The following SFMBT2 variants were observed in gnomAD, a reference collection of about 807,000 sequenced individuals.
The protein encoded by SFMBT2 is scm-like with four MBT domains protein 2.
Under a neutral mutation model 110.1 loss-of-function variants are expected in SFMBT2, and 38 were observed. The observed-to-expected ratio is 0.35, with a 90% CI of 0.27 to 0.45. SFMBT2 has a LOEUF of 0.45. Ranked by LOEUF, SFMBT2 falls within the 20% of genes least tolerant of loss-of-function variation. The pLI, the probability that SFMBT2 is intolerant of heterozygous loss-of-function variation, is 1.00. For synonymous variants in SFMBT2, 425 were observed against 425.4 expected (o/e 1.00, Z 0.01); for missense variants, 1,011 against 1,094.9 (o/e 0.92, Z 1.08).
At chr10:7,341,203 CA>C (rs1330453042) in intron 4 of SFMBT2, among the ~76,000 whole-genome samples, 1 of 152,200 alleles carries the variant, frequency 6.6e-6, no homozygotes, top group Non-Finnish European at 1.5e-5. Flanking sequence ...AAGCTCGTAT[CA>C]GGGGCAGAGC....
intron 9 of SFMBT2, among the ~76,000 whole-genome samples, chr10:7,237,558 T>A (rs1242742059): frequency 6.6e-6 from 1 of 152,156 alleles, no homozygotes; most frequent in Non-Finnish European, 1.5e-5. Flanking sequence ...GGTGCTCACC[T>A]TGCGGAGGAT....
rs1840326008 is a variant in SFMBT2, at chr10:7,238,401, G to A, written c.1120+5157C>T. Among the ~76,000 whole-genome samples the A allele has an allele frequency of 2.0e-5, 3 of 152,128 alleles. No individual in the cohort carries two copies. The South Asian group carries it at 6.2e-4, about 32-fold the overall frequency. On this transcript the variant is annotated intron_variant, in intron 9 of 20. Coordinates refer to ENST00000397167, the MANE Select transcript of SFMBT2 (RefSeq NM_001387889.1). ...TTGTTGAAAAACACGAATCAAACAA[G>A]GCAGAATGTTAGCATCTGTTGAAGT...
chr10:7,329,568 G>A (rs868532599), intron 4 of SFMBT2: 1 of 940,026 alleles, frequency 1.1e-6, no homozygotes. Flanking sequence ...TAGCGCCCAG[G>A]GGCCAAAACA....
intron 4 of SFMBT2, among the ~76,000 whole-genome samples, chr10:7,288,525 A>G (rs933342395): frequency 4.6e-5 from 7 of 152,264 alleles, no homozygotes; most frequent in African/African-American, 1.7e-4. Context: ...AGATGTAGTC[A>G]TCATTCTTCA....
chr10:7,247,397 A>G (rs2248834), intron 8 of SFMBT2, among the ~76,000 whole-genome samples: 2,483 of 152,294 alleles, frequency 0.016, 72 homozygotes, highest in African/African-American at 0.056. Context: ...GATTACAGGC[A>G]TGAGTCACTG....
In SFMBT2 at chr10:7,170,858, A is replaced by G; in HGVS notation, c.2544+70T>C. 1.3e-6 allele frequency: 2 copies of G among 1,596,262 alleles called. No individual in the cohort carries two copies. The highest frequency in any genetic ancestry group is 1.3e-5 in the African/African-American group (1 of 74,726). ...CGCAGGTGTCACGAGGAAGCCGGCT[A>G]GGACACGAGGTTCATTTCAGATGCA... On this transcript the variant is annotated intron_variant, in intron 20 of 20. Coordinates refer to ENST00000397167, the MANE Select transcript of SFMBT2 (RefSeq NM_001387889.1). This position sits in a 1 kb window ranked among gnomAD's most constrained non-coding sequence, Gnocchi z 4.6.
chr10:7,373,022 C>T (rs558509984), intron 2 of SFMBT2, among the ~76,000 whole-genome samples: 2 of 152,306 alleles, frequency 1.3e-5, no homozygotes, highest in East Asian at 3.9e-4. Flanking sequence ...ATTTGAATGT[C>T]GTCTGTCCCC....
At chr10:7,200,602 T>C (rs1036622043) in intron 13 of SFMBT2, 118 bp from the exon 14 acceptor site, 10 of 743,852 alleles carry the variant, frequency 1.3e-5, no homozygotes, top group Non-Finnish European at 1.8e-5. Flanking sequence ...AAGAGGACCA[T>C]AGAATAGAAT....
At chr10:7,237,543 A>G (rs1840295053) in intron 9 of SFMBT2, among the ~76,000 whole-genome samples, 1 of 152,176 alleles carries the variant, frequency 6.6e-6, no homozygotes, top group African/African-American at 2.4e-5. Flanking sequence ...TGTAATCTTT[A>G]GGAGGGTGCT....
chr10:7,271,372 T>G (rs549550677), intron 7 of SFMBT2, among the ~76,000 whole-genome samples: 14 of 152,128 alleles, frequency 9.2e-5, no homozygotes, highest in African/African-American at 3.4e-4. Context: ...GACAGGTATT[T>G]AATGAGTGCT....
intron 1 of SFMBT2, among the ~76,000 whole-genome samples, chr10:7,404,688 T>C (rs1460834668): frequency 6.6e-6 from 1 of 152,234 alleles, no homozygotes; most frequent in African/African-American, 2.4e-5. Flanking sequence ...AAGACATCTA[T>C]CTCATCACAT....
chr10:7,370,363 C>T lies in SFMBT2; in HGVS notation c.113G>A (p.Ser38Asn), dbSNP rs1845028225. 6.2e-7 allele frequency: 1 copy of T among 1,614,066 alleles called. No individual in the cohort carries two copies. The highest frequency in any genetic ancestry group is 8.5e-7 in the Non-Finnish European group (1 of 1,179,936). ...NGDLDSEEGS[S>N]LEETGFNWGE... ...CCAGTTAAAGCCAGTTTCCTCCAAG[C>T]TTGAGCCTTCTTCTGTTGAAAAACA... The change falls in exon 3 of 21, where the codon AGC becomes AAC. Residue 38 changes from serine to asparagine, a missense_variant. Ser to Asn is a conservative substitution (Grantham distance 46). Coordinates refer to ENST00000397167, the MANE Select transcript of SFMBT2 (RefSeq NM_001387889.1).
chr10:7,198,229 T>A (rs1288587249), intron 14 of SFMBT2: 5 of 795,924 alleles, frequency 6.3e-6, no homozygotes, highest in African/African-American at 3.8e-5. Context: ...TAAATGCGGA[T>A]CTAGAAAGTT....
chr10:7,347,981 C>T (rs1328969580), intron 4 of SFMBT2, among the ~76,000 whole-genome samples: 1 of 152,138 alleles, frequency 6.6e-6, no homozygotes, highest in Non-Finnish European at 1.5e-5. Context: ...TAACAAATTG[C>T]ACATTAGATG....
intron 11 of SFMBT2, chr10:7,206,543 T>C (rs774043770): frequency 6.3e-5 from 62 of 985,468 alleles, no homozygotes; most frequent in Non-Finnish European, 7.5e-5. Flanking sequence ...ACTCAGTTTG[T>C]GGCCTGTAGA....
At position 7,316,754 on chromosome 10, in the gene SFMBT2, A is replaced by T. The variant is rs145673773; in HGVS notation, c.437-30800T>A. Among the ~76,000 whole-genome samples, 1,021 of 152,240 alleles carry T rather than the reference A, an allele frequency of 6.7e-3. 6 individuals carry two copies. The highest frequency in any genetic ancestry group is 0.022 in the African/African-American group (930 of 41,528). ...CCAAGATGGTCTAGCATGCCTGCTC[A>T]CTTCGAGGATTTCTCCAGGATCAAC... On this transcript the variant is annotated intron_variant, in intron 4 of 20. Coordinates refer to ENST00000397167, the MANE Select transcript of SFMBT2 (RefSeq NM_001387889.1).
chr10:7,370,473 A>G, intron 2 of SFMBT2, 98 bp from the exon 3 acceptor site: 12 of 1,005,012 alleles, frequency 1.2e-5, no homozygotes, highest in Non-Finnish European at 1.9e-5. Flanking sequence ...TACAAGACAC[A>G]AGCTAATTCC....
chr10:7,384,518 G>GT (rs140271804), intron 1 of SFMBT2, among the ~76,000 whole-genome samples: 1 of 151,826 alleles, frequency 6.6e-6, no homozygotes. Flanking sequence ...GAAAATAACG[G>GT]TTTTTTAATA....
At chr10:7,370,016 A>G (rs1845018222) in intron 3 of SFMBT2, among the ~76,000 whole-genome samples, 1 of 152,042 alleles carries the variant, frequency 6.6e-6, no homozygotes, top group Non-Finnish European at 1.5e-5. Flanking sequence ...GTGCACCACC[A>G]CACCCAGCTA....
Sources: gnomAD v4.1 joint callset for allele counts (sites outside exome capture counted in the v4.1 genomes callset) on GRCh38, gnomAD v4.1.1 for gene constraint, Gnocchi (gnomAD v3.1) non-coding constraint, MANE v1.5 for transcripts, NCBI Gene and HGNC (gene_info 2026-07-23, HGNC 2026-07-21) for gene names.